Variants in ADGRL4 observed in about 807,000 individuals in gnomAD.
ADGRL4 encodes adhesion G protein-coupled receptor L4, also known as EGF, latrophilin and seven transmembrane domain containing 1.
Under a neutral mutation model 74.8 loss-of-function variants are expected in ADGRL4, and 90 were observed. The observed-to-expected ratio is 1.20, with a 90% CI of 1.02 to 1.43. The LOEUF is 1.43. Among genes scored for constraint, ADGRL4 ranks in the 40% most tolerant of loss-of-function variants. ADGRL4 has a pLI of 0.00. For missense variants in ADGRL4, 881 were observed against 814.3 expected, an observed-to-expected ratio of 1.08 and a Z score of -1.00; for synonymous variants, 311 against 279.2, an observed-to-expected ratio of 1.11 and a Z score of -1.14.
chr1:78,986,073 T>C (rs1236320869), intron 2 of ADGRL4, among the ~76,000 whole-genome samples: 1 of 151,756 alleles, frequency 6.6e-6, no homozygotes, highest in African/African-American at 2.4e-5. Flanking sequence ...TATCAGGTAC[T>C]ATGCTTATTT....
chr1:78,923,260 C>G (rs548058878), intron 8 of ADGRL4, among the ~76,000 whole-genome samples: 1 of 152,138 alleles, frequency 6.6e-6, no homozygotes, highest in East Asian at 1.9e-4. Context: ...TCTGTTTACA[C>G]ACTGGTCTCC....
chr1:78,911,648 G>T (rs1043972822), intron 12 of ADGRL4, among the ~76,000 whole-genome samples: 3 of 150,854 alleles, frequency 2.0e-5, no homozygotes, highest in Non-Finnish European at 4.4e-5. Flanking sequence ...CACTATAGTT[G>T]GCTACACATA....
intron 2 of ADGRL4, among the ~76,000 whole-genome samples, chr1:78,946,875 T>A (rs925566025): frequency 8.5e-5 from 13 of 152,178 alleles, no homozygotes; most frequent in African/African-American, 2.9e-4. Context: ...ACAGAAAAAA[T>A]TTGCATTACT....
rs544957523 is a variant in ADGRL4, at chr1:78,942,129, G to C, written c.326-2871C>G. Among the ~76,000 whole-genome samples the C allele has an allele frequency of 2.7e-3, 340 of 127,148 alleles. 1 individual carries two copies. Among genetic ancestry groups the C allele is most frequent in the Admixed American group, 4.5e-3 (45 of 9,922 alleles). The allele number at this position is 127,148 out of a possible 152,430, so 83.4% of individuals were successfully genotyped here. A position where few individuals can be genotyped will look rare whatever the true frequency, so the allele number is the denominator to read the frequency against. The stretch of plus-strand genomic sequence containing the variant: ...GCAGGAGAATGGCATGAACCTGGGA[G>C]CACCACTGCACTCCAGCCTGGGTGA... On this transcript the variant is annotated intron_variant, in intron 3 of 14. Coordinates refer to ENST00000370742, the MANE Select transcript of ADGRL4 (RefSeq NM_022159.4).
chr1:78,945,289 C>T (rs1317423704), intron 3 of ADGRL4, among the ~76,000 whole-genome samples: 7 of 151,486 alleles, frequency 4.6e-5, no homozygotes, highest in Middle Eastern at 3.4e-3. Flanking sequence ...AGAAGCAGCG[C>T]ATTACCCTTC....
intron 2 of ADGRL4, among the ~76,000 whole-genome samples, chr1:78,954,295 G>T (rs1649787277): frequency 6.6e-6 from 1 of 152,076 alleles, no homozygotes; most frequent in Non-Finnish European, 1.5e-5. Context: ...TTTAGTAAAG[G>T]ACAAAAATAT....
chr1:79,002,382 T>C (rs1300609106), intron 2 of ADGRL4, among the ~76,000 whole-genome samples: 2 of 152,126 alleles, frequency 1.3e-5, no homozygotes, highest in African/African-American at 4.8e-5. Flanking sequence ...CCTTTACTCA[T>C]AGGCTGAAAC....
rs1467031964 is a variant in ADGRL4, at chr1:78,987,900, CT to C, written c.172+17169del. 3.3e-5 allele frequency among the ~76,000 whole-genome samples: 5 copies of C among 151,574 alleles called. No individual in the cohort carries two copies. In the East Asian group the frequency reaches 5.8e-4, roughly 18 times the overall value. ...ACATTCAATCTTATTGCTCTATTGTCTTTTTTTAATACATACTAATCATACC... is the reference window on the plus strand; with the variant it reads ...ACATTCAATCTTATTGCTCTATTGTCTTTTTTAATACATACTAATCATACC... On this transcript the variant is annotated intron_variant, in intron 2 of 14. Transcript: ENST00000370742.
At chr1:78,903,933 T>C (rs1041468824) in intron 12 of ADGRL4, among the ~76,000 whole-genome samples, 66 of 114,050 alleles carry the variant, frequency 5.8e-4, no homozygotes, top group African/African-American at 2.2e-3. Context: ...AGACTCCATA[T>C]AAAATAAATA....
At chr1:78,971,236 C>T (rs1650160040) in intron 2 of ADGRL4, among the ~76,000 whole-genome samples, 1 of 152,138 alleles carries the variant, frequency 6.6e-6, no homozygotes, top group African/African-American at 2.4e-5. Context: ...GGTCTTTGAC[C>T]TTATCCTTAT....
intron 2 of ADGRL4, among the ~76,000 whole-genome samples, chr1:78,962,297 C>G (rs567235734): frequency 6.6e-6 from 1 of 152,136 alleles, no homozygotes; most frequent in Non-Finnish European, 1.5e-5. Flanking sequence ...ACTGCCACTG[C>G]GGACACTCCT....
At chr1:78,954,898 A>C (rs1300912329) in intron 2 of ADGRL4, among the ~76,000 whole-genome samples, 1 of 152,116 alleles carries the variant, frequency 6.6e-6, no homozygotes, top group African/African-American at 2.4e-5. Flanking sequence ...CTTACTAAAA[A>C]ATTTGTGCTT....
At chr1:78,991,422 T>C (rs1650605826) in intron 2 of ADGRL4, among the ~76,000 whole-genome samples, 2 of 151,998 alleles carry the variant, frequency 1.3e-5, no homozygotes, top group African/African-American at 4.8e-5. Context: ...CTTTCTCCTG[T>C]GTAAATACAA....
chr1:78,969,735 G>T (rs1342924126), intron 2 of ADGRL4, among the ~76,000 whole-genome samples: 1 of 150,732 alleles, frequency 6.6e-6, no homozygotes, highest in South Asian at 2.1e-4. Context: ...CAAAAATGAG[G>T]ACTGGAGAGA....
intron 2 of ADGRL4, among the ~76,000 whole-genome samples, chr1:78,976,796 G>C (rs1465737907): frequency 7.5e-6 from 1 of 133,752 alleles, no homozygotes; most frequent in Non-Finnish European, 1.6e-5. Context: ...AGCCTTCCAA[G>C]AAAAAAAAAA....
rs567148406 is a variant in ADGRL4, at chr1:78,989,324, T to C, written c.172+15746A>G. Among the ~76,000 whole-genome samples, 7 of 151,970 alleles carry C rather than the reference T, an allele frequency of 4.6e-5. No homozygotes were observed. The East Asian group carries it at 1.4e-3, about 29-fold the overall frequency. On this transcript the variant is annotated intron_variant, in intron 2 of 14. Transcript: ENST00000370742. ...GATATACATATGATTTAGGAAAAGT[T>C]AGTTCACAGATTGTCTTTGTAAACA...
intron 2 of ADGRL4, among the ~76,000 whole-genome samples, chr1:78,987,836 A>G (rs539452724): frequency 1.3e-5 from 2 of 151,916 alleles, no homozygotes; most frequent in Admixed American, 1.3e-4. Context: ...TAGAAATAGT[A>G]TGAGACATAA....
chr1:78,956,992 C>T (rs956845043), intron 2 of ADGRL4, among the ~76,000 whole-genome samples: 7 of 152,268 alleles, frequency 4.6e-5, no homozygotes, highest in African/African-American at 1.4e-4. Context: ...ATTCTCACAA[C>T]ACTTCAGACT....
intron 2 of ADGRL4, among the ~76,000 whole-genome samples, chr1:78,952,327 G>GTTT (rs1557510405): frequency 3.1e-3 from 79 of 25,666 alleles, no homozygotes; most frequent in African/African-American, 6.7e-3. Flanking sequence ...AACATAGAAA[G>GTTT]CTTTTTTTTT....
Sources: allele counts gnomAD v4.1 joint callset (sites outside exome capture counted in the v4.1 genomes callset), GRCh38; gene constraint gnomAD v4.1.1; transcripts MANE v1.5; gene names NCBI Gene and HGNC (gene_info 2026-07-23, HGNC 2026-07-21).